ARHGAP12: variants seen among roughly 807,000 people sequenced by gnomAD.
ARHGAP12 encodes rho GTPase-activating protein 12.
Under a neutral mutation model 108.6 loss-of-function variants are expected in ARHGAP12, and 64 were observed. The observed-to-expected ratio is 0.59, with a 90% CI of 0.48 to 0.73. The LOEUF is 0.73. ARHGAP12 is among the 30% of genes least tolerant of loss of function. ARHGAP12 has a pLI of 0.00. For synonymous variants in ARHGAP12, 312 were observed against 337.2 expected (o/e 0.93, Z 0.82); for missense variants, 940 against 1,005.9 (o/e 0.93, Z 0.89).
At chr10:31,882,555 C>G (rs1838013848) in intron 3 of ARHGAP12, among the ~76,000 whole-genome samples, 1 of 152,106 alleles carries the variant, frequency 6.6e-6, no homozygotes, top group African/African-American at 2.4e-5. Flanking sequence ...AGGCTCACAC[C>G]TGTAATCCCA....
intron 3 of ARHGAP12, among the ~76,000 whole-genome samples, chr10:31,886,100 G>A (rs916022006): frequency 2.0e-5 from 3 of 152,074 alleles, no homozygotes; most frequent in Admixed American, 6.6e-5. Flanking sequence ...CCATCTGCTT[G>A]GCATTTACTG....
chr10:31,816,374 A>T (rs1372497834), intron 13 of ARHGAP12, among the ~76,000 whole-genome samples: 2 of 152,102 alleles, frequency 1.3e-5, no homozygotes. Flanking sequence ...CCCCCCTACC[A>T]TCGTAACACT....
chr10:31,844,698 T>A (rs1333937846), intron 6 of ARHGAP12, among the ~76,000 whole-genome samples: 1 of 80,006 alleles, frequency 1.2e-5, no homozygotes, highest in Non-Finnish European at 2.6e-5. Context: ...CACACTTGGC[T>A]TTTTTTTTTT....
chr10:31,894,383 A>T (rs1168399611), intron 3 of ARHGAP12, among the ~76,000 whole-genome samples: 1 of 152,168 alleles, frequency 6.6e-6, no homozygotes, highest in Non-Finnish European at 1.5e-5. Flanking sequence ...TTAAGCTGAT[A>T]AGCAACTTCA....
chr10:31,904,509 G>C (rs1311970308), intron 3 of ARHGAP12, among the ~76,000 whole-genome samples: 2 of 152,192 alleles, frequency 1.3e-5, no homozygotes, highest in Non-Finnish European at 2.9e-5. Context: ...CGTGGTGATG[G>C]AAATGCTCAG....
intron 4 of ARHGAP12, among the ~76,000 whole-genome samples, chr10:31,858,482 T>C (rs992862554): frequency 3.3e-5 from 5 of 152,026 alleles, no homozygotes; most frequent in African/African-American, 9.7e-5. Context: ...ACTGGGGAAG[T>C]TGAGGCAAAA....
chr10:31,845,525 C>T (rs1162083594), intron 6 of ARHGAP12, among the ~76,000 whole-genome samples: 1 of 152,024 alleles, frequency 6.6e-6, no homozygotes, highest in Non-Finnish European at 1.5e-5. Context: ...TGGCTCACGC[C>T]TGTAATCCCA....
intron 3 of ARHGAP12, among the ~76,000 whole-genome samples, chr10:31,889,112 AT>A (rs1171204720): frequency 1.1e-4 from 16 of 152,300 alleles, no homozygotes; most frequent in Non-Finnish European, 2.2e-4. Context: ...GGGTTTCGCC[AT>A]TTTGGCCAGG....
chr10:31,856,891 C>T (rs1265342719), intron 4 of ARHGAP12, among the ~76,000 whole-genome samples: 1 of 152,130 alleles, frequency 6.6e-6, no homozygotes, highest in Admixed American at 6.5e-5. Context: ...ATATAGTCTT[C>T]ACTGGATCCT....
At chr10:31,817,550 T>C (rs1462606037) in intron 13 of ARHGAP12, among the ~76,000 whole-genome samples, 1 of 152,216 alleles carries the variant, frequency 6.6e-6, no homozygotes. Context: ...TTTCAGCCAA[T>C]GCCTGATGTG....
chr10:31,845,288 A>G (rs1836412404), intron 6 of ARHGAP12, among the ~76,000 whole-genome samples: 1 of 152,202 alleles, frequency 6.6e-6, no homozygotes, highest in African/African-American at 2.4e-5. Context: ...AATAATAACA[A>G]TAATTTAAAA....
chr10:31,811,639 T>C lies in ARHGAP12; in HGVS notation c.1952-892A>G, dbSNP rs575779601. On this transcript the variant is annotated intron_variant, in intron 15 of 19. Transcript: ENST00000344936. ...TACCTAATTTGAATTAATCAGCTAG[T>C]CTCTTCCTAGAAGTCTTAAATACCT... is the stretch of plus-strand genomic sequence containing the variant. Among the ~76,000 whole-genome samples, 8 of 151,046 alleles carry C rather than the reference T, an allele frequency of 5.3e-5. No individual in the cohort carries two copies. In the South Asian group the frequency reaches 1.7e-3, roughly 32 times the overall value.
At chr10:31,815,064 T>G (rs1017943889) in intron 13 of ARHGAP12, among the ~76,000 whole-genome samples, 5 of 147,644 alleles carry the variant, frequency 3.4e-5, no homozygotes, top group African/African-American at 1.3e-4. Flanking sequence ...GAGGTTGCAG[T>G]GAGCCAAGAT....
At chr10:31,911,028 C>CTTAT (rs894006742) in intron 1 of ARHGAP12, among the ~76,000 whole-genome samples, 156 of 151,928 alleles carry the variant, frequency 1.0e-3, no homozygotes, top group African/African-American at 3.6e-3. Context: ...ATTTTTTTAT[C>CTTAT]TTATTTATTT....
At chr10:31,922,005 C>T (rs372889810) in intron 1 of ARHGAP12, among the ~76,000 whole-genome samples, 2 of 151,050 alleles carry the variant, frequency 1.3e-5, no homozygotes, top group Admixed American at 6.6e-5. Flanking sequence ...CCCTGGGCAA[C>T]GTGGTGAAAC....
chr10:31,807,515 C>G lies in ARHGAP12; in HGVS notation c.*143G>C. 3.1e-6 allele frequency: 2 copies of G among 653,530 alleles called. No homozygotes were observed. Among genetic ancestry groups the G allele is most frequent in the African/African-American group, 1.9e-5 (1 of 52,888 alleles). 40.5% of individuals were successfully genotyped at this position (653,530 alleles called of 1,614,324 possible). On this transcript the variant is annotated 3_prime_UTR_variant, in exon 20 of 20. Transcript: ENST00000344936. ...TGAGGGCCTAACACACATCTCGACT[C>G]TCCCCTTCCCTTCTGATCCCTCAAA...
intron 3 of ARHGAP12, among the ~76,000 whole-genome samples, chr10:31,896,310 A>G (rs1458920232): frequency 1.6e-5 from 2 of 127,822 alleles, no homozygotes; most frequent in African/African-American, 8.8e-5. Context: ...TTTACTTTGA[A>G]AAAAAAAAAA....
rs1281262043 is a variant in ARHGAP12, at chr10:31,839,710, T to C, written c.1298A>G (p.Glu433Gly). ...STIVLDTNDK[E>G]SPTASKPCFP... is the part of the protein sequence containing the mutation. Reference sequence around the variant, plus strand: ...GCAGGGTTTTGAGGCAGTTGGAGATTCCTACAAGAAATAAGTAATGAAAAA... The same window carrying C: ...GCAGGGTTTTGAGGCAGTTGGAGATCCCTACAAGAAATAAGTAATGAAAAA... The change falls in exon 8 of 20, where the codon GAA (glutamate) becomes GGA (glycine). Residue 433 changes from glutamate (E) to glycine (G), a missense_variant and splice_region_variant. By Grantham distance (98) the Glu-to-Gly change is moderately conservative. Transcript: ENST00000344936. 2 of 1,602,660 alleles carry C rather than the reference T, an allele frequency of 1.2e-6. No individual in the cohort carries two copies. The highest frequency in any genetic ancestry group is 1.7e-6 in the Non-Finnish European group (2 of 1,172,292).
At position 31,814,339 on chromosome 10, in the gene ARHGAP12, ATTCC is replaced by A; in HGVS notation, c.1750_1753del (p.Gly584LeufsTer11). 6.2e-7 allele frequency: 1 copy of A among 1,613,852 alleles called. No individual in the cohort carries two copies. The highest frequency in any genetic ancestry group is 8.5e-7 in the Non-Finnish European group (1 of 1,179,810). ...TGGTGAATCCGGTATCTCCTCTTCA[ATTCC>A]TTCATCAGTTTCTACTGCCTATTGG... On this transcript the variant is annotated frameshift_variant, in exon 14 of 20. Coordinates refer to ENST00000344936, the MANE Select transcript of ARHGAP12 (RefSeq NM_018287.7). LOFTEE classifies it high-confidence loss of function.
Sources: gnomAD v4.1 joint callset for allele counts (sites outside exome capture counted in the v4.1 genomes callset) on GRCh38, gnomAD v4.1.1 for gene constraint, MANE v1.5 for transcripts, NCBI Gene and HGNC (gene_info 2026-07-23, HGNC 2026-07-21) for gene names.